SNTG1: variants seen among roughly 807,000 people sequenced by gnomAD.
SNTG1 encodes the protein syntrophin gamma 1.
In SNTG1, 39 loss-of-function variants were observed where a neutral mutation model predicts 74.7. The ratio of observed to expected loss-of-function variants is 0.52; its 90% CI spans 0.40 to 0.68. SNTG1 has a LOEUF of 0.68. Among genes scored for constraint, SNTG1 ranks in the 30% least tolerant of loss-of-function variants. SNTG1 has a pLI of 0.00. For missense variants in SNTG1, 685 were observed against 609.5 expected, an observed-to-expected ratio of 1.12 and a Z score of -1.30; for synonymous variants, 254 against 217.1, an observed-to-expected ratio of 1.17 and a Z score of -1.49.
chr8:50,714,512 C>G (rs1024226893), intron 17 of SNTG1, among the ~76,000 whole-genome samples: 2 of 152,018 alleles, frequency 1.3e-5, no homozygotes, highest in Non-Finnish European at 2.9e-5. Context: ...ATCAAGCTAC[C>G]CTTGACTTTC....
chr8:50,327,394 A>T (rs1347793815), intron 2 of SNTG1, among the ~76,000 whole-genome samples: 2 of 152,126 alleles, frequency 1.3e-5, no homozygotes, highest in African/African-American at 4.8e-5. Context: ...TAGAGAGCTA[A>T]TCCCTTTACT....
intron 2 of SNTG1, among the ~76,000 whole-genome samples, chr8:50,193,479 G>A (rs1184902221): frequency 1.3e-5 from 2 of 152,036 alleles, no homozygotes; most frequent in Non-Finnish European, 2.9e-5. Context: ...CTTGGTCGCT[G>A]TTGGTATATA....
chr8:50,453,400 T>A (rs575553283), intron 8 of SNTG1, among the ~76,000 whole-genome samples: 1 of 152,114 alleles, frequency 6.6e-6, no homozygotes, highest in South Asian at 2.1e-4. Flanking sequence ...CCCACTGTAT[T>A]CTTGCTGGAA....
At chr8:50,747,779 A>G (rs1306643697) in intron 17 of SNTG1, 1 of 151,390 alleles carries the variant, frequency 6.6e-6, no homozygotes, top group Non-Finnish European at 1.5e-5. Context: ...GACAGGGCTC[A>G]CTCTGTAGTG....
At chr8:50,687,712 C>A (rs963887384) in intron 15 of SNTG1, among the ~76,000 whole-genome samples, 7 of 151,956 alleles carry the variant, frequency 4.6e-5, no homozygotes, top group Non-Finnish European at 7.4e-5. Context: ...GTAATGCTAT[C>A]CCTCCCCCCT....
intron 1 of SNTG1, among the ~76,000 whole-genome samples, chr8:49,953,173 T>G (rs1182996506): frequency 2.0e-5 from 3 of 152,040 alleles, no homozygotes; most frequent in African/African-American, 7.2e-5. Flanking sequence ...ACTCCAACAT[T>G]TAGAAGAACA....
chr8:50,072,414 G>C (rs1821450744), intron 1 of SNTG1, among the ~76,000 whole-genome samples: 1 of 152,132 alleles, frequency 6.6e-6, no homozygotes, highest in Admixed American at 6.5e-5. Flanking sequence ...TTAGGAGGAA[G>C]ACACTAAATA....
intron 15 of SNTG1, among the ~76,000 whole-genome samples, chr8:50,694,956 T>C (rs980242483): frequency 6.6e-6 from 1 of 150,604 alleles, no homozygotes. Context: ...AGGCCATATA[T>C]GACAAGCCAA....
At chr8:50,159,182 A>G (rs1486471) in intron 1 of SNTG1, among the ~76,000 whole-genome samples, 74,749 of 151,900 alleles carry the variant, frequency 0.49, 22,662 homozygotes, top group African/African-American at 0.86. Context: ...CTTTTAGAAG[A>G]TTTTTGACTA....
chr8:50,277,788 T>A (rs1358088742), intron 2 of SNTG1, among the ~76,000 whole-genome samples: 1 of 152,208 alleles, frequency 6.6e-6, no homozygotes, highest in Non-Finnish European at 1.5e-5. Flanking sequence ...ATAAATTAAG[T>A]TTTTATTAAT....
intron 16 of SNTG1, among the ~76,000 whole-genome samples, chr8:50,707,434 C>G (rs1422920646): frequency 6.6e-6 from 1 of 151,636 alleles, no homozygotes; most frequent in African/African-American, 2.4e-5. Flanking sequence ...CTTTTGAGGC[C>G]CATTAAGTAT....
At chr8:49,919,840 C>T (rs1046736017) in intron 1 of SNTG1, among the ~76,000 whole-genome samples, 3 of 151,820 alleles carry the variant, frequency 2.0e-5, no homozygotes, top group African/African-American at 4.8e-5. Context: ...TTTTGTTTTC[C>T]TGGTCTGGTT....
chr8:50,761,091 A>C (rs928700276), intron 18 of SNTG1, among the ~76,000 whole-genome samples: 3 of 151,974 alleles, frequency 2.0e-5, no homozygotes, highest in Non-Finnish European at 4.4e-5. Flanking sequence ...TCAGGCCAAT[A>C]TCCCTCATGA....
chr8:50,585,213 A>G (rs1048363632), intron 12 of SNTG1, among the ~76,000 whole-genome samples: 2 of 151,966 alleles, frequency 1.3e-5, no homozygotes, highest in Admixed American at 6.5e-5. Flanking sequence ...CGTGGCCTTC[A>G]TTTATCTGAA....
chr8:50,442,493 T>A lies in SNTG1; in HGVS notation c.219+3894T>A, dbSNP rs991033459. Among the ~76,000 whole-genome samples the A allele has an allele frequency of 2.6e-5, 4 of 152,146 alleles. No homozygotes were observed. In the East Asian group the frequency reaches 7.8e-4, roughly 30 times the overall value. On this transcript the variant is annotated intron_variant, in intron 5 of 18. Transcript: ENST00000642720. ...CCAGCCCTCCAGGCATCCTTGCTTATCCAAGATATTCTTTCTCTCAGGTTG... is the reference window on the plus strand; with the variant it reads ...CCAGCCCTCCAGGCATCCTTGCTTAACCAAGATATTCTTTCTCTCAGGTTG...
chr8:50,287,853 A>T (rs894822915), intron 2 of SNTG1, among the ~76,000 whole-genome samples: 4 of 152,056 alleles, frequency 2.6e-5, no homozygotes, highest in Non-Finnish European at 4.4e-5. Flanking sequence ...ATACAACTTT[A>T]CTTATGCTCA....
chr8:50,302,700 G>T (rs1180280362), intron 2 of SNTG1, among the ~76,000 whole-genome samples: 1 of 152,048 alleles, frequency 6.6e-6, no homozygotes, highest in African/African-American at 2.4e-5. Context: ...TTTTCTCTCT[G>T]TCTTTCATAC....
chr8:50,437,089 T>C (rs1180025103), intron 4 of SNTG1, among the ~76,000 whole-genome samples: 1 of 152,118 alleles, frequency 6.6e-6, no homozygotes, highest in Non-Finnish European at 1.5e-5. Context: ...AATTTTAATG[T>C]TGGTTTGAAA....
At chr8:50,584,278 C>T (rs2094632299) in intron 12 of SNTG1, among the ~76,000 whole-genome samples, 1 of 144,056 alleles carries the variant, frequency 6.9e-6, no homozygotes, top group Non-Finnish European at 1.5e-5. Flanking sequence ...TGGGTATATA[C>T]CCAGTAATGG....
Sources: gnomAD v4.1 joint callset for allele counts (sites outside exome capture counted in the v4.1 genomes callset) on GRCh38, gnomAD v4.1.1 for gene constraint, MANE v1.5 for transcripts, NCBI Gene and HGNC (gene_info 2026-07-23, HGNC 2026-07-21) for gene names.